Variants in NRG1 observed in about 807,000 individuals in gnomAD.
The protein encoded by NRG1 is neuregulin 1, also known as pro-neuregulin-1, membrane-bound isoform.
In NRG1, 18 loss-of-function variants were observed where a neutral mutation model predicts 63.8. That is an observed-to-expected ratio of 0.28 (90% CI 0.19 to 0.42). The LOEUF (loss-of-function observed/expected upper bound fraction) is 0.42, where lower values mean the gene tolerates loss of function less well. NRG1 is among the 10% of genes least tolerant of loss of function. The pLI, the probability that NRG1 is intolerant of heterozygous loss-of-function variation, is 1.00. For synonymous variants in NRG1, 302 were observed against 301.3 expected, an observed-to-expected ratio of 1.00 and a Z score of -0.02; for missense variants, 762 against 814.7, an observed-to-expected ratio of 0.94 and a Z score of 0.79.
chr8:31,871,195 T>C (rs1829452319), intron 1 of NRG1, among the ~76,000 whole-genome samples: 1 of 152,084 alleles, frequency 6.6e-6, no homozygotes, highest in Admixed American at 6.5e-5. Flanking sequence ...CAGGATGGTG[T>C]TGATCTCCTG....
chr8:32,689,826 A>C (rs573299759), intron 5 of NRG1, among the ~76,000 whole-genome samples: 2 of 152,346 alleles, frequency 1.3e-5, no homozygotes, highest in African/African-American at 4.8e-5. Context: ...ACCCTGACAA[A>C]GTATGGAATT....
intron 1 of NRG1, among the ~76,000 whole-genome samples, chr8:31,920,424 T>C (rs2129618483): frequency 6.6e-6 from 1 of 152,318 alleles, no homozygotes; most frequent in South Asian, 2.1e-4. Context: ...TTAATGCATG[T>C]ATGGTGTATT....
chr8:32,655,603 T>G (rs2129548292), intron 5 of NRG1, among the ~76,000 whole-genome samples: 1 of 152,326 alleles, frequency 6.6e-6, no homozygotes, highest in Non-Finnish European at 1.5e-5. Context: ...TAATTTGTTA[T>G]GCCTTAAAAT....
chr8:32,324,234 TC>T (rs1563315900), intron 1 of NRG1, among the ~76,000 whole-genome samples: 1 of 152,150 alleles, frequency 6.6e-6, no homozygotes, highest in Non-Finnish European at 1.5e-5. Context: ...ATGGGAAAAC[TC>T]AAACAGTCTG....
intron 1 of NRG1, among the ~76,000 whole-genome samples, chr8:32,511,381 A>G (rs1014511577): frequency 2.3e-4 from 33 of 144,394 alleles, no homozygotes; most frequent in Admixed American, 3.5e-4. Context: ...ATATATATAT[A>G]TATATATATA....
chr8:32,406,489 G>A (rs1167158501), intron 1 of NRG1, among the ~76,000 whole-genome samples: 2 of 152,064 alleles, frequency 1.3e-5, no homozygotes, highest in African/African-American at 4.8e-5. Context: ...GTATGTGCAA[G>A]CACTGTATAT....
At position 32,648,868 on chromosome 8, in the gene NRG1, G is replaced by A. The variant is rs145245910; in HGVS notation, c.502+31983G>A. On this transcript the variant is annotated intron_variant, in intron 5 of 11. Coordinates refer to ENST00000356819, the Ensembl canonical transcript of NRG1. ...TGCCTGTTGTCTCTCTCTCCTTCCC[G>A]TTCCCTAACCACTTCTCCCTACTTT... Among the ~76,000 whole-genome samples the A allele has an allele frequency of 3.9e-4, 59 of 151,966 alleles. 1 individual carries two copies. In the East Asian group the frequency reaches 9.9e-3, roughly 25 times the overall value.
At chr8:32,771,715 A>T (rs867587331), downstream of NRG1, among the ~76,000 whole-genome samples, 12 of 111,842 alleles carry the variant, frequency 1.1e-4, no homozygotes, top group African/African-American at 4.2e-4. Context: ...TTAAAAAAAA[A>T]ATATATATAT....
chr8:32,115,638 G>A (rs901750560), intron 1 of NRG1, among the ~76,000 whole-genome samples: 1 of 152,056 alleles, frequency 6.6e-6, no homozygotes, highest in African/African-American at 2.4e-5. Context: ...GACCCACGCA[G>A]TTCAAACCTG....
intron 1 of NRG1, among the ~76,000 whole-genome samples, chr8:32,244,725 G>A (rs973252999): frequency 6.6e-6 from 1 of 152,130 alleles, no homozygotes; most frequent in African/African-American, 2.4e-5. Context: ...ACTGAGCAGG[G>A]TCTAAGAAAT....
chr8:32,754,566 G>T (rs925624905), intron 8 of NRG1, 92 bp downstream of exon 8: 8 of 1,135,958 alleles, frequency 7.0e-6, no homozygotes, highest in Non-Finnish European at 9.1e-6. Context: ...CCACAGCCTA[G>T]TCTTGGGGAT....
At chr8:31,852,514 A>G (rs1370724279) in intron 1 of NRG1, among the ~76,000 whole-genome samples, 1 of 151,444 alleles carries the variant, frequency 6.6e-6, no homozygotes, top group Non-Finnish European at 1.5e-5. Context: ...TATTAGCCCT[A>G]TGTCAGATGA....
At chr8:31,881,911 T>C (rs1358065385) in intron 1 of NRG1, among the ~76,000 whole-genome samples, 1 of 152,130 alleles carries the variant, frequency 6.6e-6, no homozygotes, top group East Asian at 1.9e-4. Flanking sequence ...CCTCATAGCA[T>C]AAAAGTGCAA....
chr8:31,865,119 C>T (rs547242337), intron 1 of NRG1, among the ~76,000 whole-genome samples: 1 of 152,072 alleles, frequency 6.6e-6, no homozygotes, highest in Non-Finnish European at 1.5e-5. Flanking sequence ...ACTTTTGGCA[C>T]CACTGCTGGC....
chr8:31,767,757 T>C (rs1255381359), intron 1 of NRG1, among the ~76,000 whole-genome samples: 1 of 151,568 alleles, frequency 6.6e-6, no homozygotes, highest in Non-Finnish European at 1.5e-5. Flanking sequence ...GGAGAATTGA[T>C]TGAACCTGGA....
chr8:32,763,451 T>G, intron 11 of NRG1: 1 of 1,362,770 alleles, frequency 7.3e-7, no homozygotes, highest in South Asian at 1.4e-5. Flanking sequence ...TAATGCCTTC[T>G]TGTCTTGGCT....
At chr8:32,690,271 C>T (rs908990987) in intron 5 of NRG1, among the ~76,000 whole-genome samples, 2 of 152,046 alleles carry the variant, frequency 1.3e-5, no homozygotes, top group African/African-American at 4.8e-5. Flanking sequence ...TATAGGATCC[C>T]AAGAACCCTT....
chr8:31,841,970 G>GA (rs2129607834), intron 1 of NRG1, among the ~76,000 whole-genome samples: 1 of 152,318 alleles, frequency 6.6e-6, no homozygotes, highest in East Asian at 1.9e-4. Context: ...ACAAGAGACA[G>GA]AGGTAGACCA....
chr8:31,778,014 A>G (rs186370601), intron 1 of NRG1, among the ~76,000 whole-genome samples: 5 of 152,186 alleles, frequency 3.3e-5, no homozygotes, highest in African/African-American at 1.2e-4. Context: ...AAATGGTTAA[A>G]CTCCGGGAGA....
Sources: gnomAD v4.1 joint callset for allele counts (sites outside exome capture counted in the v4.1 genomes callset) on GRCh38, gnomAD v4.1.1 for gene constraint, MANE v1.5 for transcripts, NCBI Gene and HGNC (gene_info 2026-07-23, HGNC 2026-07-21) for gene names.